Variants in AKAP14 observed in about 807,000 individuals in gnomAD.
AKAP14 encodes A-kinase anchoring protein 14.
Under a neutral mutation model 17.0 loss-of-function variants are expected in AKAP14, and 4 were observed. The ratio of observed to expected loss-of-function variants is 0.23; its 90% CI spans 0.12 to 0.54. The LOEUF (loss-of-function observed/expected upper bound fraction) is 0.54. AKAP14 is among the 20% of genes least tolerant of loss of function. The pLI is 0.95. For missense variants in AKAP14, 129 were observed against 150.9 expected (o/e 0.85, Z 0.76); for synonymous variants, 42 against 51.3 (o/e 0.82, Z 0.77).
intron 4 of AKAP14, among the ~76,000 whole-genome samples, 199 bp from the exon 5 acceptor site, chrX:119,914,500 T>C (rs2056645961): frequency 9.1e-6 from 1 of 110,066 alleles, no homozygotes; most frequent in African/African-American, 3.3e-5. Flanking sequence ...TTTAAATTTG[T>C]TTTGTAGAGA....
intron 5 of AKAP14, among the ~76,000 whole-genome samples, chrX:119,915,783 G>A (rs2056653557): frequency 9.1e-6 from 1 of 109,441 alleles, no homozygotes; most frequent in African/African-American, 3.4e-5. Context: ...TGGGATTACA[G>A]GCTTGAGCCA....
chrX:119,906,637 G>A (rs1315119133), intron 4 of AKAP14, among the ~76,000 whole-genome samples: 1 of 109,821 alleles, frequency 9.1e-6, no homozygotes, highest in Admixed American at 9.8e-5. Flanking sequence ...GGGTTCAAGT[G>A]ATTCTCTTGC....
At chrX:119,899,563 T>G (rs766205087) in intron 2 of AKAP14, among the ~76,000 whole-genome samples, 62 of 110,632 alleles carry the variant, frequency 5.6e-4, no homozygotes, top group Non-Finnish European at 1.0e-3. Context: ...TGAAAGACGC[T>G]GGGGACTTCA....
At chrX:119,912,931 A>C (rs2056635851) in intron 4 of AKAP14, among the ~76,000 whole-genome samples, 1 of 110,258 alleles carries the variant, frequency 9.1e-6, no homozygotes, top group Non-Finnish European at 1.9e-5. Context: ...GGCCCAGACA[A>C]AGGAGACATT....
Position 119,901,618 on chromosome X carries a change from A to T in AKAP14, c.-10-1596A>T, listed in dbSNP as rs1477528145. 4.5e-5 allele frequency among the ~76,000 whole-genome samples: 5 copies of T among 110,235 alleles called. No homozygotes were observed. In the East Asian group the frequency reaches 1.4e-3, roughly 31 times the overall value. On this transcript the variant is annotated intron_variant, in intron 2 of 6. Transcript: ENST00000371431. ...CTACTCGGGAGGCTGAGACAGGAGA[A>T]TCACTTGAATCCGGGAGGCGGAGGT... is the stretch of plus-strand genomic sequence containing the variant.
chrX:119,896,466 G>C (rs1386794073), intron 2 of AKAP14, among the ~76,000 whole-genome samples, 199 bp downstream of exon 2: 2 of 97,586 alleles, frequency 2.0e-5, no homozygotes, highest in African/African-American at 7.6e-5. Context: ...GGGAGGGGAG[G>C]GGAGCGGAGG....
intron 4 of AKAP14, among the ~76,000 whole-genome samples, chrX:119,912,004 C>T (rs970837300): frequency 1.8e-5 from 2 of 108,457 alleles, no homozygotes; most frequent in East Asian, 5.8e-4. Context: ...GATCTCAGCT[C>T]ACTGCAACCT....
At chrX:119,898,472 A>G (rs981925985) in intron 2 of AKAP14, among the ~76,000 whole-genome samples, 1 of 112,006 alleles carries the variant, frequency 8.9e-6, no homozygotes. Flanking sequence ...CCTGGGATCA[A>G]TGATGATGTC....
intron 5 of AKAP14, among the ~76,000 whole-genome samples, chrX:119,916,452 CTATCTATCT>C (rs1390123494): frequency 9.3e-6 from 1 of 107,002 alleles, no homozygotes; most frequent in Non-Finnish European, 1.9e-5. Context: ...ATCTATCTAT[CTATCTATCT>C]ATCTATCTAT....
chrX:119,904,834 G>A (rs1328853385), intron 4 of AKAP14, among the ~76,000 whole-genome samples: 1 of 110,946 alleles, frequency 9.0e-6, no homozygotes, highest in East Asian at 2.8e-4. Flanking sequence ...AGTGAGCTGA[G>A]ATTACACCAC....
chrX:119,901,775 C>T (rs1172524516), intron 2 of AKAP14, among the ~76,000 whole-genome samples: 1 of 108,843 alleles, frequency 9.2e-6, no homozygotes, highest in Non-Finnish European at 1.9e-5. Flanking sequence ...TTTGGGAGGC[C>T]GAGGCGGGTG....
intron 2 of AKAP14, among the ~76,000 whole-genome samples, chrX:119,898,028 A>G (rs1160371333): frequency 8.9e-6 from 1 of 112,323 alleles, no homozygotes; most frequent in Non-Finnish European, 1.9e-5. Context: ...TGTATTTTGT[A>G]TTTACACACC....
At chrX:119,908,300 A>AAAATG (rs567352217) in intron 4 of AKAP14, among the ~76,000 whole-genome samples, 1 of 103,500 alleles carries the variant, frequency 9.7e-6, no homozygotes, top group Admixed American at 1.1e-4. Context: ...AAAAAAAAAA[A>AAAATG]AAGAAGGATG....
chrX:119,909,951 A>G (rs906652217), intron 4 of AKAP14, among the ~76,000 whole-genome samples: 1 of 109,733 alleles, frequency 9.1e-6, no homozygotes, highest in African/African-American at 3.3e-5. Flanking sequence ...TGAGCCTAGG[A>G]GTTTGAGACC....
At position 119,906,578 on chromosome X, in the gene AKAP14, G is replaced by A. The variant is rs1295550328; in HGVS notation, c.261+2992G>A. Reference sequence around the variant, plus strand: ...GACAGAGTTTCACTCTTGTCACCCAGGCTGGAGTGCAATGGTGCGATCTCG... The same window carrying A: ...GACAGAGTTTCACTCTTGTCACCCAAGCTGGAGTGCAATGGTGCGATCTCG... On this transcript the variant is annotated intron_variant, in intron 4 of 6. Transcript: ENST00000371431. Among the ~76,000 whole-genome samples, 5 of 106,417 alleles carry A rather than the reference G, an allele frequency of 4.7e-5. No homozygotes were observed. The East Asian group carries it at 1.5e-3, about 31-fold the overall frequency. The allele number at this position is 106,417 out of a possible 115,157, so 92.4% of individuals were successfully genotyped here. A position where few individuals can be genotyped will look rare whatever the true frequency, so the allele number is the denominator to read the frequency against.
intron 2 of AKAP14, among the ~76,000 whole-genome samples, chrX:119,902,064 C>CTT (rs566464151): frequency 0.14 from 13,868 of 96,202 alleles, 1,176 homozygotes; most frequent in African/African-American, 0.29. Context: ...TGTCTTTATA[C>CTT]TTTTTTTTTT....
intron 4 of AKAP14, among the ~76,000 whole-genome samples, chrX:119,911,540 AGGT>A (rs1476339830): frequency 9.1e-6 from 1 of 110,280 alleles, no homozygotes; most frequent in Non-Finnish European, 1.9e-5. Context: ...GACTTCTTGG[AGGT>A]GGTAGTTTTA....
intron 2 of AKAP14, among the ~76,000 whole-genome samples, chrX:119,900,178 C>T (rs74371129): frequency 0.029 from 3,236 of 110,679 alleles, 122 homozygotes; most frequent in African/African-American, 0.097. Flanking sequence ...CCACAACCTC[C>T]GCCTCCCAGA....
chrX:119,919,599 A>G (rs1169817413), intron 5 of AKAP14, among the ~76,000 whole-genome samples: 5 of 112,431 alleles, frequency 4.4e-5, no homozygotes, highest in African/African-American at 1.6e-4. Flanking sequence ...TAATCCCAGC[A>G]CTTTGGGAGG....
Sources: allele counts gnomAD v4.1 joint callset (sites outside exome capture counted in the v4.1 genomes callset), GRCh38; gene constraint gnomAD v4.1.1; transcripts MANE v1.5; gene names NCBI Gene and HGNC (gene_info 2026-07-23, HGNC 2026-07-21).